The following KLHL6 variants were observed in gnomAD, a reference collection of about 807,000 sequenced individuals.
KLHL6 encodes kelch like family member 6.
In KLHL6, 41 loss-of-function variants were observed where a neutral mutation model predicts 58.6. That is an observed-to-expected ratio of 0.70 (90% confidence interval 0.55 to 0.91). The LOEUF (loss-of-function observed/expected upper bound fraction) is 0.91. Among genes scored for constraint, KLHL6 ranks in the 40% least tolerant of loss-of-function variants. The pLI is 0.00. For synonymous variants in KLHL6, 338 were observed against 322.7 expected (o/e 1.05, Z -0.51); for missense variants, 714 against 805.6 (o/e 0.89, Z 1.38).
chr3:183,492,828 A>T lies in KLHL6; in HGVS notation c.1351-121T>A. 1 of 836,736 alleles carries T rather than the reference A, an allele frequency of 1.2e-6. No individual in the cohort carries two copies. The highest frequency in any genetic ancestry group is 1.9e-6 in the Non-Finnish European group (1 of 532,634). The allele number at this position is 836,736 out of a possible 1,614,324, so 51.8% of individuals were successfully genotyped here. A position where few individuals can be genotyped will look rare whatever the true frequency, so the allele number is the denominator to read the frequency against. Reference sequence around the variant, plus strand: ...AACTGGGCATCTTTTGCCTATAGTCACAAGGCCCATGGGCTTGACTCCTCT... The same window carrying T: ...AACTGGGCATCTTTTGCCTATAGTCTCAAGGCCCATGGGCTTGACTCCTCT... On this transcript the variant is annotated intron_variant, in intron 5 of 6. Transcript: ENST00000341319. This position sits in a 1 kb window ranked among gnomAD's most constrained non-coding sequence, Gnocchi z 5.9.
intron 1 of KLHL6, among the ~76,000 whole-genome samples, chr3:183,537,626 T>C (rs941487966): frequency 3.9e-5 from 6 of 151,982 alleles, no homozygotes; most frequent in Non-Finnish European, 7.4e-5. Flanking sequence ...ACAACAGTCA[T>C]GAAAATATCC....
intron 1 of KLHL6, among the ~76,000 whole-genome samples, chr3:183,546,364 G>C (rs1712719754): frequency 6.6e-6 from 1 of 152,240 alleles, no homozygotes. Context: ...AACAAGCCCA[G>C]TCGGAGGAAA....
intron 1 of KLHL6, among the ~76,000 whole-genome samples, chr3:183,550,070 CAAG>C (rs1186256900): frequency 6.6e-6 from 1 of 151,638 alleles, no homozygotes; most frequent in Non-Finnish European, 1.5e-5. Context: ...CTATACAAAA[CAAG>C]AACAGGATGT....
At chr3:183,548,022 A>C (rs1577205320) in intron 1 of KLHL6, among the ~76,000 whole-genome samples, 1 of 152,176 alleles carries the variant, frequency 6.6e-6, no homozygotes, top group African/African-American at 2.4e-5. Flanking sequence ...TACTGTTGGA[A>C]CATTCATTCC....
Position 183,531,436 on chromosome 3 carries a change from T to G in KLHL6, c.294-3426A>C, listed in dbSNP as rs542829579. Among the ~76,000 whole-genome samples, 7 of 149,790 alleles carry G rather than the reference T, an allele frequency of 4.7e-5. No homozygotes were observed. In the South Asian group the frequency reaches 6.3e-4, roughly 13 times the overall value. On this transcript the variant is annotated intron_variant, in intron 1 of 6. Coordinates refer to ENST00000341319, the MANE Select transcript of KLHL6 (RefSeq NM_130446.4). ...TTCTTCCTTCTTTCTGTTCTTTTTT[T>G]GTCTGTGTTTTTTTTTTTTTTTTTT...
rs144580781 is a variant in KLHL6, at chr3:183,535,047, C to T, written c.294-7037G>A. ...GCAGCCTCAGCCTCCCGGATTCAAG[C>T]GATTCTCCTGCCTCAGCCTCTTGAG... On this transcript the variant is annotated intron_variant, in intron 1 of 6. Transcript: ENST00000341319. 7.5e-3 allele frequency among the ~76,000 whole-genome samples: 1,143 copies of T among 151,490 alleles called. 9 individuals are homozygous for T. The highest frequency in any genetic ancestry group is 0.027 in the African/African-American group (1,098 of 41,238).
chr3:183,509,070 A>T (rs1718106003), intron 2 of KLHL6, among the ~76,000 whole-genome samples: 1 of 152,238 alleles, frequency 6.6e-6, no homozygotes, highest in Non-Finnish European at 1.5e-5. Context: ...CAACTTGTTC[A>T]GTTTCTTCAA....
In KLHL6 at chr3:183,508,505, G is replaced by A. The variant is rs1560096367; in HGVS notation, c.463C>T (p.Leu155=). 6.2e-7 allele frequency: 1 copy of A among 1,611,784 alleles called. No individual in the cohort carries two copies. The highest frequency in any genetic ancestry group is 1.3e-5 in the African/African-American group (1 of 74,874). The part of the protein sequence containing the change: ...VLEAANLFQF[L]RMVDACASFL... Reference sequence around the variant, plus strand: ...CTGGCACAGGCATCCACCATCCGCAGGAACTGATGAAATAGAAAGGGTGGA... The same window carrying A: ...CTGGCACAGGCATCCACCATCCGCAAGAACTGATGAAATAGAAAGGGTGGA... The change falls in exon 3 of 7, where the codon CTG becomes TTG. Residue 155 remains leucine, a synonymous_variant. Transcript: ENST00000341319.
chr3:183,540,516 A>G (rs1291971973), intron 1 of KLHL6, among the ~76,000 whole-genome samples: 1 of 152,162 alleles, frequency 6.6e-6, no homozygotes. Flanking sequence ...ATTGGACAAA[A>G]GAAATCCCAG....
intron 1 of KLHL6, chr3:183,552,096 T>C: frequency 6.7e-6 from 1 of 149,172 alleles, no homozygotes; most frequent in East Asian, 1.9e-4. Flanking sequence ...CTTTTGGTGA[T>C]GCCGTGGGGG....
chr3:183,530,707 A>G (rs941668328), intron 1 of KLHL6, among the ~76,000 whole-genome samples: 2 of 152,230 alleles, frequency 1.3e-5, no homozygotes, highest in African/African-American at 4.8e-5. Context: ...ATGGAATTAT[A>G]GGAACAGAAA....
intron 1 of KLHL6, among the ~76,000 whole-genome samples, chr3:183,534,906 G>A (rs1276261761): frequency 6.8e-5 from 10 of 146,978 alleles, no homozygotes; most frequent in African/African-American, 2.3e-4. Flanking sequence ...ATGTATGTAT[G>A]TATGTATATA....
chr3:183,512,373 T>C (rs906438440), intron 2 of KLHL6, among the ~76,000 whole-genome samples: 3 of 152,234 alleles, frequency 2.0e-5, no homozygotes, highest in African/African-American at 4.8e-5. Context: ...TATTATTCAT[T>C]TGAGGTGCAA....
At chr3:183,510,394 G>A (rs917652423) in intron 2 of KLHL6, among the ~76,000 whole-genome samples, 4 of 152,116 alleles carry the variant, frequency 2.6e-5, no homozygotes, top group South Asian at 2.1e-4. Flanking sequence ...GGAGCTGTGG[G>A]GAGTGGGGCT....
At chr3:183,555,024 T>G (rs1713058177) in intron 1 of KLHL6, among the ~76,000 whole-genome samples, 1 of 151,700 alleles carries the variant, frequency 6.6e-6, no homozygotes, top group South Asian at 2.1e-4. Flanking sequence ...ATTATCCGGG[T>G]GTTGTGGTGC....
At chr3:183,535,865 T>G (rs1243739555) in intron 1 of KLHL6, among the ~76,000 whole-genome samples, 1 of 152,168 alleles carries the variant, frequency 6.6e-6, no homozygotes, top group East Asian at 1.9e-4. Context: ...AAGCTCTGCC[T>G]CCCGGGTTCA....
Position 183,527,939 on chromosome 3 carries a change from G to C in KLHL6, c.365C>G (p.Thr122Ser). 1.2e-6 allele frequency: 2 copies of C among 1,613,990 alleles called. No homozygotes were observed. Residue 122 changes from threonine (T) to serine (S), a missense_variant, in exon 2 of 7, where the codon ACC becomes AGC. Physicochemically the swap from Thr to Ser is moderately conservative, Grantham distance 58. Around this residue, in one of 2 missense-constraint regions of KLHL6, gnomAD observed 204 missense variants for 175.9 expected, o/e 1.16. Coordinates refer to ENST00000341319, the MANE Select transcript of KLHL6 (RefSeq NM_130446.4). ...CGTGTAGTCCAACAGAGTGTGCATG[G>C]TCTCAGCATCAACCCCTTTAATAAT... is the stretch of plus-strand genomic sequence containing the variant. ...RIIIKGVDAE[T>S]MHTLLDYTYT...
intron 2 of KLHL6, among the ~76,000 whole-genome samples, chr3:183,518,710 G>C (rs1287467509): frequency 6.6e-6 from 1 of 152,172 alleles, no homozygotes; most frequent in Non-Finnish European, 1.5e-5. Flanking sequence ...GGTTTTGAAA[G>C]AAATACCAGT....
intron 1 of KLHL6, among the ~76,000 whole-genome samples, chr3:183,529,724 G>A (rs566836110): frequency 2.0e-5 from 3 of 152,038 alleles, no homozygotes; most frequent in South Asian, 2.1e-4. Context: ...GGCAGAGGTT[G>A]CAGTGAGCTG....
Sources: gnomAD v4.1 joint callset for allele counts (sites outside exome capture counted in the v4.1 genomes callset) on GRCh38, gnomAD v4.1.1 for gene constraint, gnomAD v4.1.1 regional missense constraint, Gnocchi (gnomAD v3.1) non-coding constraint, MANE v1.5 for transcripts, NCBI Gene and HGNC (gene_info 2026-07-23, HGNC 2026-07-21) for gene names.